The following WBP2 variants were observed in gnomAD, a reference collection of about 807,000 sequenced individuals.
The protein encoded by WBP2 is WW domain binding protein 2.
WBP2 carries 23 observed loss-of-function variants against 33.0 expected under a neutral mutation model. That is an observed-to-expected ratio of 0.70 (90% CI 0.50 to 0.99). WBP2 has a LOEUF of 0.99. WBP2 is among the 50% of genes least tolerant of loss of function. The probability of loss-of-function intolerance (pLI) is 0.00; values close to 1 mark genes in which losing one functional copy is unlikely to be tolerated. For synonymous variants in WBP2, 153 were observed against 133.5 expected (o/e 1.15, Z -1.01); for missense variants, 353 against 358.0 (o/e 0.99, Z 0.11).
At chr17:75,852,782 G>A in intron 1 of WBP2, 1 of 985,164 alleles carries the variant, frequency 1.0e-6, no homozygotes, top group Non-Finnish European at 1.2e-6. Context: ...TTAAGTCCTT[G>A]TGATAGATGT....
chr17:75,854,702 A>C (rs943290998), intron 1 of WBP2, among the ~76,000 whole-genome samples: 1 of 152,166 alleles, frequency 6.6e-6, no homozygotes, highest in African/African-American at 2.4e-5. Flanking sequence ...TAATCCTATT[A>C]ACTTTGGAGT....
At chr17:75,847,219 A>G in intron 6 of WBP2, 1 of 677,888 alleles carries the variant, frequency 1.5e-6, no homozygotes, top group South Asian at 1.9e-5. Flanking sequence ...TGCCACTGTG[A>G]CCGACCAGCT....
upstream of WBP2, chr17:75,856,117 T>A (rs1219402147): frequency 6.6e-6 from 1 of 152,152 alleles, no homozygotes; most frequent in Non-Finnish European, 1.5e-5. Flanking sequence ...GAAGGCTGAG[T>A]GGGACTGGGC....
chr17:75,852,450 T>C (rs1286427377), intron 1 of WBP2: 2 of 136,806 alleles, frequency 1.5e-5, no homozygotes, highest in African/African-American at 6.1e-5. Flanking sequence ...TCTTCTATTT[T>C]CTTTATTTTT....
chr17:75,846,800 G>A lies in WBP2; in HGVS notation c.733-13C>T, dbSNP rs372765719. ...GCGGCGGCTGGCTCTAAAGAAGGGA[G>A]AAAGGAGAGACTTGCATTAGAAGGT... On this transcript the variant is annotated splice_polypyrimidine_tract_variant and intron_variant, in intron 7 of 7. Coordinates refer to ENST00000254806, the MANE Select transcript of WBP2 (RefSeq NM_012478.4). The surrounding 1 kb of genome is among the most constrained non-coding windows in gnomAD (Gnocchi z 4.8). 6.3e-4 allele frequency: 991 copies of A among 1,578,664 alleles called. 15 individuals are homozygous for A. The South Asian group carries it at 9.8e-3, about 16-fold the overall frequency.
At chr17:75,853,989 G>A (rs1013521456) in intron 1 of WBP2, among the ~76,000 whole-genome samples, 2 of 142,058 alleles carry the variant, frequency 1.4e-5, no homozygotes, top group Admixed American at 1.4e-4. Context: ...AGGTTGCAGT[G>A]AGCTGAGATC....
At chr17:75,855,702 C>G (rs1599427822), upstream of WBP2, among the ~76,000 whole-genome samples, 1 of 152,254 alleles carries the variant, frequency 6.6e-6, no homozygotes, top group Non-Finnish European at 1.5e-5. Context: ...GGGGCGCGAT[C>G]TTGGGGACTC....
intron 3 of WBP2, chr17:75,849,308 C>T (rs769814404): frequency 1.2e-5 from 4 of 323,164 alleles, no homozygotes; most frequent in Non-Finnish European, 2.3e-5. Flanking sequence ...TGATGCAGCT[C>T]CTTCCTGAGT....
upstream of WBP2, among the ~76,000 whole-genome samples, chr17:75,855,686 C>G (rs942015620): frequency 2.2e-4 from 33 of 152,274 alleles, no homozygotes; most frequent in Admixed American, 1.3e-4. Flanking sequence ...AGTTCCGCTC[C>G]TGGCAGGGGC....
rs745899193 is a variant in WBP2, at chr17:75,851,662, T to A, written c.74A>T (p.Tyr25Phe). Residue 25 changes from tyrosine (Y) to phenylalanine (F), a missense_variant, in exon 2 of 8, where the codon TAT becomes TTT. By Grantham distance (22) the Tyr-to-Phe change is conservative. Transcript: ENST00000254806. ...ATTGAATGTGAGTTCCACGTGATCA[T>A]AGGACATTAGGATGCTGTGATGAGA... Reference protein sequence around the residue: ...VNNTESILMSYDHVELTFNDM... With the variant: ...VNNTESILMSFDHVELTFNDM... The A allele has an allele frequency of 1.4e-5, 23 of 1,612,874 alleles. No individual in the cohort carries two copies. Among genetic ancestry groups the A allele is most frequent in the Non-Finnish European group, 1.9e-5 (22 of 1,179,068 alleles).
At chr17:75,847,639 G>A (rs777226685) in intron 5 of WBP2, 30 bp from the exon 6 acceptor site, 5 of 1,612,456 alleles carry the variant, frequency 3.1e-6, no homozygotes, top group East Asian at 2.2e-5. Flanking sequence ...CAAGGACATG[G>A]TGAGCACCCG....
chr17:75,848,035 C>T, intron 4 of WBP2, 105 bp from the exon 5 acceptor site: 1 of 1,431,936 alleles, frequency 7.0e-7, no homozygotes, highest in Non-Finnish European at 9.6e-7. Context: ...AGGAATGTGC[C>T]CCGCAGACAT....
intron 3 of WBP2, 97 bp from the exon 4 acceptor site, chr17:75,848,759 G>A (rs897985436): frequency 4.4e-6 from 5 of 1,141,384 alleles, no homozygotes; most frequent in East Asian, 2.6e-5. Flanking sequence ...TCCAACGCCC[G>A]GGAGGCCTGC....
rs757457670 is a variant in WBP2 at position 75,846,914 on chromosome 17, C to T, written c.726G>A (p.Met242Ile). The T allele has an allele frequency of 4.3e-6, 7 of 1,614,016 alleles. No homozygotes were observed. The African/African-American group carries it at 6.7e-5, about 15-fold the overall frequency. The change falls in exon 7 of 8, where the codon ATG becomes ATA. Residue 242 changes from methionine to isoleucine, a missense_variant. Physicochemically the swap from Met to Ile is conservative, Grantham distance 10. Coordinates refer to ENST00000254806, the MANE Select transcript of WBP2 (RefSeq NM_012478.4). This position sits in a 1 kb window ranked among gnomAD's most constrained non-coding sequence, Gnocchi z 4.8. ...CACTGCCAAGCCCTCTCACCGTGGG[C>T]ATGTAGACGTTGTGAGGATTGCCTG... Reference protein sequence around the residue: ...YNPGNPHNVYMPTSQPPPPPY... With the variant: ...YNPGNPHNVYIPTSQPPPPPY...
chr17:75,856,096 G>T (rs2065057299), upstream of WBP2, among the ~76,000 whole-genome samples: 6 of 152,234 alleles, frequency 3.9e-5, no homozygotes, highest in Admixed American at 3.3e-4. Flanking sequence ...CGGGGTCCCG[G>T]CCGGAAGACT....
chr17:75,847,098 C>T, intron 6 of WBP2, 114 bp from the exon 7 acceptor site: 1 of 1,151,612 alleles, frequency 8.7e-7, no homozygotes, highest in Admixed American at 2.0e-5. Flanking sequence ...TCCAGTTCCA[C>T]CAATGAGAGC....
chr17:75,847,697 G>T (rs2065002911), intron 5 of WBP2, 88 bp from the exon 6 acceptor site: 1 of 1,582,506 alleles, frequency 6.3e-7, no homozygotes, highest in African/African-American at 1.4e-5. Context: ...CTCCTTCGTT[G>T]GTCCTGAAGC....
At chr17:75,854,024 G>A (rs866129856) in intron 1 of WBP2, among the ~76,000 whole-genome samples, 20 of 133,366 alleles carry the variant, frequency 1.5e-4, no homozygotes, top group Admixed American at 8.3e-4. Flanking sequence ...CAGCCTGGGC[G>A]ACAGAGCAAG....
rs1454580887 is a variant in WBP2 at position 75,846,716 on chromosome 17, G to A, written c.*18C>T. On this transcript the variant is annotated 3_prime_UTR_variant, in exon 8 of 8. Transcript: ENST00000254806. This position sits in a 1 kb window ranked among gnomAD's most constrained non-coding sequence, Gnocchi z 4.8. Reference sequence around the variant, plus strand: ...TAGGGTAGAGAGATGAGGGTGGGAGGCAGGGAGGCAGGAGGGCCTACTGGG... The same window carrying A: ...TAGGGTAGAGAGATGAGGGTGGGAGACAGGGAGGCAGGAGGGCCTACTGGG... The A allele has an allele frequency of 2.6e-6, 4 of 1,511,136 alleles. No individual in the cohort carries two copies. In the Admixed American group the frequency reaches 8.8e-5, roughly 33 times the overall value. The allele number at this position is 1,511,136 out of a possible 1,614,324, so 93.6% of individuals were successfully genotyped here. A position where few individuals can be genotyped will look rare whatever the true frequency, so the allele number is the denominator to read the frequency against.
Sources: gnomAD v4.1 joint callset for allele counts (sites outside exome capture counted in the v4.1 genomes callset) on GRCh38, gnomAD v4.1.1 for gene constraint, Gnocchi (gnomAD v3.1) non-coding constraint, MANE v1.5 for transcripts, NCBI Gene and HGNC (gene_info 2026-07-23, HGNC 2026-07-21) for gene names.